Variants in ELOVL7 observed in about 807,000 individuals in gnomAD.
ELOVL7 encodes very long chain fatty acid elongase 7.
A neutral mutation model predicts 35.7 loss-of-function variants in ELOVL7; 27 were observed. The ratio of observed to expected loss-of-function variants is 0.76; its 90% CI spans 0.56 to 1.04. The LOEUF (loss-of-function observed/expected upper bound fraction) is 1.04. ELOVL7 is among the 50% of genes least tolerant of loss of function. ELOVL7 has a pLI of 0.00. For synonymous variants in ELOVL7, 113 were observed against 114.6 expected (o/e 0.99, Z 0.09); for missense variants, 327 against 340.8 (o/e 0.96, Z 0.32).
intron 1 of ELOVL7, among the ~76,000 whole-genome samples, chr5:60,821,566 G>T (rs559694732): frequency 2.0e-5 from 3 of 152,220 alleles, no homozygotes; most frequent in African/African-American, 7.2e-5. Flanking sequence ...CCTCTAACAT[G>T]CTTTCTGTTC....
At chr5:60,837,778 A>C (rs1746915708) in intron 1 of ELOVL7, among the ~76,000 whole-genome samples, 1 of 152,090 alleles carries the variant, frequency 6.6e-6, no homozygotes, top group Admixed American at 6.6e-5. Flanking sequence ...CCCCGTCTCT[A>C]CTAAAAATAC....
intron 1 of ELOVL7, among the ~76,000 whole-genome samples, chr5:60,840,158 A>G (rs4700398): frequency 0.74 from 112,983 of 152,066 alleles, 42,489 homozygotes; most frequent in East Asian, 0.86. Flanking sequence ...CACATTTGAA[A>G]ACCCTATGGC....
chr5:60,804,156 C>T lies in ELOVL7; in HGVS notation c.-85-4926G>A, dbSNP rs1172831819. Reference sequence around the variant, plus strand: ...GGAGTCCTAGAAGCCAATGATATAGCAACAGGCCCCAGTAGAAAATACAAT... The same window carrying T: ...GGAGTCCTAGAAGCCAATGATATAGTAACAGGCCCCAGTAGAAAATACAAT... On this transcript the variant is annotated intron_variant, in intron 1 of 8. Coordinates refer to ENST00000508821, the MANE Select transcript of ELOVL7 (RefSeq NM_024930.3). Among the ~76,000 whole-genome samples, 3 of 152,194 alleles carry T rather than the reference C, an allele frequency of 2.0e-5. No individual in the cohort carries two copies. In the East Asian group the frequency reaches 5.8e-4, roughly 29 times the overall value.
At chr5:60,782,620 G>A (rs1429227798) in intron 3 of ELOVL7, among the ~76,000 whole-genome samples, 3 of 152,146 alleles carry the variant, frequency 2.0e-5, no homozygotes, top group Non-Finnish European at 4.4e-5. Context: ...CTATTATTCA[G>A]CCTTCAAAAA....
chr5:60,843,529 G>A (rs1747310447), intron 1 of ELOVL7: 1 of 152,526 alleles, frequency 6.6e-6, no homozygotes, highest in South Asian at 2.1e-4. Context: ...ACCAAGACAG[G>A]ATGCGGCTCG....
In ELOVL7 at chr5:60,764,242, C is replaced by T. The variant is rs781370319; in HGVS notation, c.484G>A (p.Val162Ile). Reference protein sequence around the residue: ...TIMPWTWWFGVKFAAGGLGTF... With the variant: ...TIMPWTWWFGIKFAAGGLGTF... The stretch of plus-strand genomic sequence containing the variant: ...CCTTGTCTACCTGCAGCAAATTTGA[C>T]TCCAAACCACCAGGTCCACGGCATG... Residue 162 changes from valine to isoleucine, a missense_variant, in exon 7 of 9, where the codon GTC (valine) becomes ATC (isoleucine). Val to Ile is a conservative substitution (Grantham distance 29). Coordinates refer to ENST00000508821, the MANE Select transcript of ELOVL7 (RefSeq NM_024930.3). The T allele has an allele frequency of 6.2e-7, 1 of 1,613,248 alleles. No individual in the cohort carries two copies. The highest frequency in any genetic ancestry group is 1.7e-5 in the Admixed American group (1 of 59,940).
chr5:60,797,321 T>C (rs1561450153), intron 2 of ELOVL7, among the ~76,000 whole-genome samples: 1 of 152,188 alleles, frequency 6.6e-6, no homozygotes. Flanking sequence ...AACCCACATT[T>C]CTCCTTGGTA....
intron 1 of ELOVL7, among the ~76,000 whole-genome samples, chr5:60,842,021 T>C (rs1472788295): frequency 6.6e-6 from 1 of 152,230 alleles, no homozygotes; most frequent in Non-Finnish European, 1.5e-5. Flanking sequence ...CCAAAATTTA[T>C]ACTGTATCAT....
In ELOVL7 at chr5:60,783,245, C is replaced by T. The variant is rs528579090; in HGVS notation, c.64+4089G>A. On this transcript the variant is annotated intron_variant, in intron 3 of 8. Transcript: ENST00000508821. ...TCCTGATCCAATCTGCTACATTGGT[C>T]TTCCACGCAATTGTCAAATTCATTT... is the stretch of plus-strand genomic sequence containing the variant. Among the ~76,000 whole-genome samples the T allele has an allele frequency of 3.9e-5, 6 of 152,294 alleles. No individual in the cohort carries two copies. In the East Asian group the frequency reaches 1.2e-3, roughly 29 times the overall value.
intron 1 of ELOVL7, among the ~76,000 whole-genome samples, chr5:60,805,527 A>T (rs1461768627): frequency 6.6e-6 from 1 of 152,196 alleles, no homozygotes; most frequent in Admixed American, 6.5e-5. Flanking sequence ...GTCTTAATCA[A>T]TGTGGTGCTT....
chr5:60,795,827 C>T (rs557901966), intron 2 of ELOVL7, among the ~76,000 whole-genome samples: 24 of 126,968 alleles, frequency 1.9e-4, no homozygotes, highest in African/African-American at 7.4e-4. Flanking sequence ...GGTTCTCTTC[C>T]GTGACCCACG....
intron 4 of ELOVL7, among the ~76,000 whole-genome samples, chr5:60,770,208 T>C (rs1356420727): frequency 6.6e-6 from 1 of 152,182 alleles, no homozygotes; most frequent in East Asian, 1.9e-4. Flanking sequence ...TCTTTTACAT[T>C]GTAATTGATC....
intron 7 of ELOVL7, among the ~76,000 whole-genome samples, chr5:60,762,979 G>A (rs1382885207): frequency 6.6e-6 from 1 of 152,126 alleles, no homozygotes. Flanking sequence ...ATGCATATAA[G>A]GGGAAATAGA....
chr5:60,841,919 C>G (rs1027937525), intron 1 of ELOVL7, among the ~76,000 whole-genome samples: 3 of 152,070 alleles, frequency 2.0e-5, no homozygotes, highest in African/African-American at 7.2e-5. Context: ...CAATGTCTAC[C>G]AGCTCCTACA....
intron 1 of ELOVL7, among the ~76,000 whole-genome samples, chr5:60,800,030 C>CAAAA (rs58041305): frequency 2.3e-5 from 2 of 86,192 alleles, no homozygotes; most frequent in African/African-American, 4.4e-5. Context: ...AACTCCATCT[C>CAAAA]AAAAAAAAAA....
At chr5:60,792,488 C>G (rs1280140121) in intron 2 of ELOVL7, among the ~76,000 whole-genome samples, 1 of 152,128 alleles carries the variant, frequency 6.6e-6, no homozygotes. Context: ...TATAATGATA[C>G]CCCTAGACTA....
intron 3 of ELOVL7, among the ~76,000 whole-genome samples, chr5:60,774,481 C>T (rs189727322): frequency 6.6e-6 from 1 of 152,200 alleles, no homozygotes; most frequent in East Asian, 1.9e-4. Flanking sequence ...ACAAACTAGA[C>T]ATTAAAGGAA....
rs1458924487 is a variant in ELOVL7, at chr5:60,772,055, G to T, written c.103C>A (p.Leu35Met). 1.9e-6 allele frequency: 3 copies of T among 1,613,186 alleles called. No homozygotes were observed. Among genetic ancestry groups the T allele is most frequent in the Non-Finnish European group, 2.5e-6 (3 of 1,179,552 alleles). The change falls in exon 4 of 9, where the codon CTG becomes ATG. Residue 35 changes from leucine (L) to methionine (M), a missense_variant. Physicochemically the swap from Leu to Met is conservative, Grantham distance 15 (BLOSUM62 2). Coordinates refer to ENST00000508821, the MANE Select transcript of ELOVL7 (RefSeq NM_024930.3). ...VEDWLLMSSPLPQTILLGFYV... is the reference protein window; with the variant it reads ...VEDWLLMSSPMPQTILLGFYV... ...AATCCTAGGAGGATGGTTTGTGGCAGAGGCGAGGACATGAGGAGCCAATCT... is the reference window on the plus strand; with the variant it reads ...AATCCTAGGAGGATGGTTTGTGGCATAGGCGAGGACATGAGGAGCCAATCT...
chr5:60,758,734 G>A (rs911194219), intron 7 of ELOVL7, among the ~76,000 whole-genome samples: 4 of 152,144 alleles, frequency 2.6e-5, no homozygotes, highest in South Asian at 2.1e-4. Context: ...ATAGTGTGGC[G>A]GGAGGAACAC....
Sources: gnomAD v4.1 joint callset for allele counts (sites outside exome capture counted in the v4.1 genomes callset) on GRCh38, gnomAD v4.1.1 for gene constraint, MANE v1.5 for transcripts, NCBI Gene and HGNC (gene_info 2026-07-23, HGNC 2026-07-21) for gene names.